PCDH15: variants seen among roughly 807,000 people sequenced by gnomAD.
PCDH15 encodes the protein protocadherin-15.
In PCDH15, 129 loss-of-function variants were observed where a neutral mutation model predicts 178.5. The ratio of observed to expected loss-of-function variants is 0.72; its 90% CI spans 0.63 to 0.84. The LOEUF is 0.84. Among genes scored for constraint, PCDH15 ranks in the 40% least tolerant of loss-of-function variants. The pLI, the probability that PCDH15 is intolerant of heterozygous loss-of-function variation, is 0.00. For synonymous variants in PCDH15, 800 were observed against 732.0 expected, an observed-to-expected ratio of 1.09 and a Z score of -1.50; for missense variants, 2,230 against 2,099.9, an observed-to-expected ratio of 1.06 and a Z score of -1.21.
chr10:54,123,606 AG>A (rs1250334625), intron 15 of PCDH15, among the ~76,000 whole-genome samples: 1 of 152,162 alleles, frequency 6.6e-6, no homozygotes, highest in Non-Finnish European at 1.5e-5. Flanking sequence ...AGTGGAAATC[AG>A]TTTGGAGATT....
chr10:54,571,314 G>A (rs1302569280), intron 2 of PCDH15, among the ~76,000 whole-genome samples: 1 of 124,848 alleles, frequency 8.0e-6, no homozygotes, highest in Non-Finnish European at 1.6e-5. Flanking sequence ...GCTGAAGTAC[G>A]AGACAATAGA....
chr10:55,460,137 T>C (rs1839642054), intron 2 of PCDH15, among the ~76,000 whole-genome samples: 1 of 151,944 alleles, frequency 6.6e-6, no homozygotes, highest in South Asian at 2.1e-4. Flanking sequence ...AGGAGAATGA[T>C]GCCACCTGTT....
intron 2 of PCDH15, among the ~76,000 whole-genome samples, chr10:55,412,571 A>T (rs1460146533): frequency 6.6e-6 from 1 of 151,968 alleles, no homozygotes; most frequent in Admixed American, 6.6e-5. Context: ...AAAGCAAAGT[A>T]TTAGGGAGAT....
rs546843000 is a variant in PCDH15 at position 54,254,620 on chromosome 10, T to C, written c.877-17689A>G. ...GCAACATTTAAATCCCTCAGCATAC[T>C]GAAGGACCTTGGGAGATTAGGGTCT... On this transcript the variant is annotated intron_variant, in intron 8 of 37. Coordinates refer to ENST00000644397, the MANE Select transcript of PCDH15 (RefSeq NM_001384140.1). Among the ~76,000 whole-genome samples the C allele has an allele frequency of 1.8e-4, 27 of 152,226 alleles. No individual in the cohort carries two copies. In the South Asian group the frequency reaches 5.6e-3, roughly 32 times the overall value.
chr10:55,504,800 A>T (rs1344702779), intron 2 of PCDH15, among the ~76,000 whole-genome samples: 2 of 151,388 alleles, frequency 1.3e-5, no homozygotes, highest in African/African-American at 4.8e-5. Context: ...TTTCTGTTTT[A>T]TCATTCAGAA....
chr10:54,893,886 T>G (rs1481146906), intron 3 of PCDH15, among the ~76,000 whole-genome samples: 2 of 152,118 alleles, frequency 1.3e-5, no homozygotes, highest in Non-Finnish European at 2.9e-5. Context: ...TATTAAATTC[T>G]AGATGAGTTA....
chr10:54,611,750 C>T (rs945896122), intron 2 of PCDH15, among the ~76,000 whole-genome samples: 3 of 151,838 alleles, frequency 2.0e-5, no homozygotes, highest in Non-Finnish European at 2.9e-5. Flanking sequence ...GCTCTGTAAA[C>T]AGCCTACTAA....
intron 20 of PCDH15, among the ~76,000 whole-genome samples, chr10:54,009,115 T>C (rs1425222166): frequency 6.6e-6 from 1 of 152,028 alleles, no homozygotes; most frequent in Non-Finnish European, 1.5e-5. Flanking sequence ...ATAATTATTG[T>C]CTCGGGAAAG....
rs1330426903 is a variant in PCDH15 at position 53,909,077 on chromosome 10, G to A, written c.3374-5707C>T. On this transcript the variant is annotated intron_variant, in intron 25 of 37. Coordinates refer to ENST00000644397, the MANE Select transcript of PCDH15 (RefSeq NM_001384140.1). ...TCTCATCTTGAACTATAATCCTCAC[G>A]TATCGACGGAAGAACCTGGTGGGAG... 3.3e-5 allele frequency among the ~76,000 whole-genome samples: 5 copies of A among 152,230 alleles called. No homozygotes were observed. The East Asian group carries it at 5.8e-4, about 18-fold the overall frequency.
At chr10:54,667,398 C>T (rs950485353) in intron 1 of PCDH15, among the ~76,000 whole-genome samples, 1 of 152,058 alleles carries the variant, frequency 6.6e-6, no homozygotes, top group Non-Finnish European at 1.5e-5. Context: ...GTGTAAATGA[C>T]TACAGGACCA....
intron 2 of PCDH15, among the ~76,000 whole-genome samples, chr10:55,624,388 C>A (rs1321093749): frequency 6.6e-6 from 1 of 150,874 alleles, no homozygotes; most frequent in Non-Finnish European, 1.5e-5. Context: ...TTAAAGCATG[C>A]AAGCTGCATT....
chr10:54,832,729 C>A (rs1039858697), intron 3 of PCDH15, among the ~76,000 whole-genome samples: 2 of 152,060 alleles, frequency 1.3e-5, no homozygotes, highest in Non-Finnish European at 2.9e-5. Flanking sequence ...AAAATGAGGA[C>A]CCTTTTATTA....
intron 10 of PCDH15, among the ~76,000 whole-genome samples, chr10:54,205,366 G>A (rs7068074): frequency 0.9 from 136,523 of 151,880 alleles, 61,522 homozygotes; most frequent in East Asian, 0.98. Context: ...TGAATGGAAG[G>A]AATTCATTTA....
intron 26 of PCDH15, among the ~76,000 whole-genome samples, chr10:53,899,658 T>G (rs143440363): frequency 2.4e-4 from 36 of 152,310 alleles, no homozygotes; most frequent in South Asian, 6.2e-4. Context: ...TAGAAACACC[T>G]CTTTCACAAT....
chr10:54,567,136 G>T (rs1396328805), intron 2 of PCDH15, among the ~76,000 whole-genome samples: 3 of 152,036 alleles, frequency 2.0e-5, no homozygotes, highest in Non-Finnish European at 2.9e-5. Flanking sequence ...ATCTTCTTTG[G>T]TTAGGTGACT....
chr10:53,860,666 G>A (rs542487240), intron 27 of PCDH15, among the ~76,000 whole-genome samples: 15 of 148,400 alleles, frequency 1.0e-4, no homozygotes, highest in African/African-American at 3.5e-4. Context: ...GGGAGGCAGA[G>A]GTTGCAGAGA....
At chr10:55,375,013 T>C (rs915268321) in intron 2 of PCDH15, among the ~76,000 whole-genome samples, 1 of 152,154 alleles carries the variant, frequency 6.6e-6, no homozygotes, top group Non-Finnish European at 1.5e-5. Flanking sequence ...AACTATCTTC[T>C]ATCTTTTCAT....
At chr10:54,025,884 C>T (rs1336275219) in intron 18 of PCDH15, among the ~76,000 whole-genome samples, 2 of 152,072 alleles carry the variant, frequency 1.3e-5, no homozygotes, top group Non-Finnish European at 2.9e-5. Context: ...TTTTATCTTT[C>T]TGACCTACTC....
chr10:53,832,434 TACA>T (rs924471777), intron 29 of PCDH15, among the ~76,000 whole-genome samples: 5 of 151,916 alleles, frequency 3.3e-5, no homozygotes, highest in Admixed American at 6.6e-5. Context: ...GTGTTCTTAA[TACA>T]ACAACACCAT....
Sources: gnomAD v4.1 joint callset for allele counts (sites outside exome capture counted in the v4.1 genomes callset) on GRCh38, gnomAD v4.1.1 for gene constraint, MANE v1.5 for transcripts, NCBI Gene and HGNC (gene_info 2026-07-23, HGNC 2026-07-21) for gene names.